Variants in WNT2B observed in about 807,000 individuals in gnomAD.
WNT2B encodes Wnt family member 2B.
A neutral mutation model predicts 40.5 loss-of-function variants in WNT2B; 19 were observed. The observed-to-expected ratio is 0.47, with a 90% CI of 0.33 to 0.69. The LOEUF is 0.69. WNT2B is among the 30% of genes least tolerant of loss of function. The pLI, the probability that WNT2B is intolerant of heterozygous loss-of-function variation, is 0.02. For missense variants in WNT2B, 467 were observed against 556.4 expected, an observed-to-expected ratio of 0.84 and a Z score of 1.62; for synonymous variants, 220 against 211.9, an observed-to-expected ratio of 1.04 and a Z score of -0.33.
intron 4 of WNT2B, among the ~76,000 whole-genome samples, chr1:112,520,009 CTA>C (rs1355236275): frequency 1.3e-5 from 2 of 151,632 alleles, no homozygotes; most frequent in African/African-American, 4.8e-5. Context: ...GTATCTAGGA[CTA>C]CAGGCTCATG....
rs10158060 is a variant in WNT2B at position 112,513,878 on chromosome 1, T to C, written c.183-996T>C. Among the ~76,000 whole-genome samples, 1,138 of 152,092 alleles carry C rather than the reference T, an allele frequency of 7.5e-3. 21 individuals carry two copies. The highest frequency in any genetic ancestry group is 0.026 in the African/African-American group (1,084 of 41,462). On this transcript the variant is annotated intron_variant, in intron 1 of 4. Coordinates refer to ENST00000369684, the MANE Select transcript of WNT2B (RefSeq NM_024494.3). Reference sequence around the variant, plus strand: ...AGCTGGGCTGTTGAGCTGGAGGAAGTGGGTGAATGGGTCAGATCTCATTTG... The same window carrying C: ...AGCTGGGCTGTTGAGCTGGAGGAAGCGGGTGAATGGGTCAGATCTCATTTG...
chr1:112,470,568 G>A (rs143278487), intron 1 of WNT2B, among the ~76,000 whole-genome samples: 8,332 of 152,136 alleles, frequency 0.055, 771 homozygotes, highest in African/African-American at 0.19. Context: ...AGCCTGGGTG[G>A]CAGAGTGAGA....
intron 1 of WNT2B, among the ~76,000 whole-genome samples, chr1:112,510,079 C>T (rs1198814591): frequency 1.3e-5 from 2 of 152,160 alleles, no homozygotes; most frequent in Non-Finnish European, 2.9e-5. Flanking sequence ...TCTTCCTATT[C>T]TTTCCCATCT....
At position 112,526,195 on chromosome 1, in the gene WNT2B, C is replaced by T. The variant is rs939567652; in HGVS notation, c.*5686C>T. The stretch of plus-strand genomic sequence containing the variant: ...AGAGAGTATATCTGAGCACAGTTTA[C>T]AAAGGAACAGCCTAGGCCCTCCTGA... On this transcript the variant is annotated 3_prime_UTR_variant, in exon 5 of 5. Coordinates refer to ENST00000369684, the MANE Select transcript of WNT2B (RefSeq NM_024494.3). 1.9e-6 allele frequency: 3 copies of T among 1,584,312 alleles called. No homozygotes were observed. Among genetic ancestry groups the T allele is most frequent in the Admixed American group, 1.7e-5 (1 of 57,792 alleles).
intron 1 of WNT2B, among the ~76,000 whole-genome samples, chr1:112,499,960 G>A (rs371651005): frequency 2.6e-5 from 4 of 152,318 alleles, no homozygotes; most frequent in African/African-American, 9.6e-5. Context: ...AAGCTGCTAT[G>A]AGCAGAGGCA....
chr1:112,482,910 G>A (rs1351790789), intron 1 of WNT2B, among the ~76,000 whole-genome samples: 1 of 152,070 alleles, frequency 6.6e-6, no homozygotes, highest in Non-Finnish European at 1.5e-5. Context: ...AAATCCCAAT[G>A]GTATTCTTTA....
chr1:112,493,235 C>A (rs996534420), intron 1 of WNT2B, among the ~76,000 whole-genome samples: 6 of 152,188 alleles, frequency 3.9e-5, no homozygotes, highest in African/African-American at 1.2e-4. Context: ...AATAGCACTA[C>A]GACGAAAGAA....
chr1:112,471,896 G>A (rs993703244), intron 1 of WNT2B, among the ~76,000 whole-genome samples: 2 of 152,176 alleles, frequency 1.3e-5, no homozygotes, highest in Non-Finnish European at 2.9e-5. Flanking sequence ...TCTTGCCAAG[G>A]AAACTGGTCA....
chr1:112,506,721 C>A (rs1652117804), upstream of WNT2B, among the ~76,000 whole-genome samples: 1 of 152,228 alleles, frequency 6.6e-6, no homozygotes, highest in African/African-American at 2.4e-5. Context: ...AGAGTCTGTG[C>A]CTTTCTAAGG....
At chr1:112,519,583 T>G (rs1488108007) in intron 4 of WNT2B, among the ~76,000 whole-genome samples, 2 of 152,080 alleles carry the variant, frequency 1.3e-5, no homozygotes, top group Admixed American at 6.5e-5. Flanking sequence ...GAAAACATGA[T>G]CCCTATCCTA....
chr1:112,506,718 G>A (rs1441690162), upstream of WNT2B, among the ~76,000 whole-genome samples: 3 of 152,228 alleles, frequency 2.0e-5, no homozygotes, highest in African/African-American at 7.2e-5. Flanking sequence ...CACAGAGTCT[G>A]TGCCTTTCTA....
Position 112,490,582 on chromosome 1 carries a change from C to T in WNT2B, c.-95+22991C>T, listed in dbSNP as rs192364858. 7.9e-3 allele frequency among the ~76,000 whole-genome samples: 1,204 copies of T among 151,914 alleles called. 12 individuals are homozygous for T. Among genetic ancestry groups the T allele is most frequent in the African/African-American group, 0.027 (1,120 of 41,438 alleles). Reference sequence around the variant, plus strand: ...TCAGCTCACTGCAAGCTCCGCCTCCCGGGTTCACGCCATTCTCCTGCCTCA... The same window carrying T: ...TCAGCTCACTGCAAGCTCCGCCTCCTGGGTTCACGCCATTCTCCTGCCTCA... On this transcript the variant is annotated intron_variant, in intron 1 of 4. Coordinates refer to the WNT2B transcript ENST00000256640.
intron 1 of WNT2B, among the ~76,000 whole-genome samples, chr1:112,472,482 C>T (rs1650909466): frequency 6.7e-6 from 1 of 150,252 alleles, no homozygotes; most frequent in African/African-American, 2.5e-5. Flanking sequence ...AAAGAGTCTT[C>T]AGAGTTTTGT....
chr1:112,509,175 G>T lies in WNT2B; in HGVS notation c.-88G>T. On this transcript the variant is annotated 5_prime_UTR_variant, in exon 1 of 5. Transcript: ENST00000369684. This position sits in a 1 kb window ranked among gnomAD's most constrained non-coding sequence, Gnocchi z 4.2. ...GCCGGCGAACACCATGGCCCCCCAG[G>T]GGGGTGAGGTAGGAGCAGCCTGAGT... 7.2e-7 allele frequency: 1 copy of T among 1,395,232 alleles called. No individual in the cohort carries two copies. The highest frequency in any genetic ancestry group is 9.2e-7 in the Non-Finnish European group (1 of 1,085,044). The allele number at this position is 1,395,232 out of a possible 1,614,324, so 86.4% of individuals were successfully genotyped here. A position where few individuals can be genotyped will look rare whatever the true frequency, so the allele number is the denominator to read the frequency against.
chr1:112,474,760 G>A (rs574389809), intron 1 of WNT2B, among the ~76,000 whole-genome samples: 1 of 152,336 alleles, frequency 6.6e-6, no homozygotes, highest in Admixed American at 6.5e-5. Context: ...TGTTGGAGGT[G>A]GAGTCTGGTG....
intron 1 of WNT2B, among the ~76,000 whole-genome samples, chr1:112,512,803 A>G (rs1395469335): frequency 6.6e-6 from 1 of 152,182 alleles, no homozygotes; most frequent in African/African-American, 2.4e-5. Context: ...GAGGCTCCCT[A>G]CACTAACTAC....
chr1:112,501,416 G>C (rs1461080763), intron 1 of WNT2B, among the ~76,000 whole-genome samples: 2 of 152,160 alleles, frequency 1.3e-5, no homozygotes, highest in African/African-American at 4.8e-5. Flanking sequence ...TTAAGTAGTA[G>C]GGAGTTGTAT....
intron 1 of WNT2B, among the ~76,000 whole-genome samples, chr1:112,501,276 T>A (rs570765847): frequency 6.6e-6 from 1 of 152,334 alleles, no homozygotes; most frequent in Admixed American, 6.5e-5. Context: ...AACCTGACAC[T>A]GGTATGTTGA....
chr1:112,508,901 G>A, upstream of WNT2B: 1 of 1,055,044 alleles, frequency 9.5e-7, no homozygotes, highest in Non-Finnish European at 1.1e-6. This position sits in a 1 kb window ranked among gnomAD's most constrained non-coding sequence, Gnocchi z 4.2. Flanking sequence ...AGGGCCGCGC[G>A]TGTCCCCGGC....
Sources: allele counts gnomAD v4.1 joint callset (sites outside exome capture counted in the v4.1 genomes callset), GRCh38; gene constraint gnomAD v4.1.1; non-coding constraint Gnocchi (gnomAD v3.1); transcripts MANE v1.5; gene names NCBI Gene and HGNC (gene_info 2026-07-23, HGNC 2026-07-21).